Variants in CLEC16A observed in about 807,000 individuals in gnomAD.
CLEC16A encodes C-type lectin domain containing 16A.
CLEC16A carries 51 observed loss-of-function variants against 109.5 expected under a neutral mutation model. The observed-to-expected ratio is 0.47, with a 90% CI of 0.37 to 0.59. The LOEUF is 0.59. CLEC16A is among the 20% of genes least tolerant of loss of function. CLEC16A has a pLI of 0.00. For missense variants in CLEC16A, 1,339 were observed against 1,394.0 expected, an observed-to-expected ratio of 0.96 and a Z score of 0.63; for synonymous variants, 673 against 564.2, an observed-to-expected ratio of 1.19 and a Z score of -2.73.
intron 19 of CLEC16A, among the ~76,000 whole-genome samples, chr16:11,061,723 A>G (rs907459077): frequency 6.6e-6 from 1 of 152,210 alleles, no homozygotes; most frequent in Non-Finnish European, 1.5e-5. Flanking sequence ...GTCTTTGGTT[A>G]TAAGAGACAG....
chr16:11,042,231 G>C, intron 14 of CLEC16A, 23 bp from the exon 15 acceptor site: 11 of 1,553,080 alleles, frequency 7.1e-6, no homozygotes, highest in Non-Finnish European at 9.6e-6. Context: ...GGTGTGCAAG[G>C]CTTACCCTGG....
rs1414033010 is a variant in CLEC16A, at chr16:10,944,648, C to T, written c.-70C>T. 42 of 1,442,834 alleles carry T rather than the reference C, an allele frequency of 2.9e-5. No individual in the cohort carries two copies. In the East Asian group the frequency reaches 7.4e-4, roughly 25 times the overall value. 89.4% of individuals were successfully genotyped at this position (1,442,834 alleles called of 1,614,324 possible). On this transcript the variant is annotated 5_prime_UTR_variant, in exon 1 of 24. Coordinates refer to ENST00000409790, the MANE Select transcript of CLEC16A (RefSeq NM_015226.3). ...CCGCATCCTCCGCTTGTGCTACCGC[C>T]GCGGGCGCTGGGCCGCTCTGCTGGT...
At position 11,080,238 on chromosome 16, in the gene CLEC16A, G is replaced by A. The variant is rs1033541916; in HGVS notation, c.2116+19216G>A. ...ACAGGACAGAGCCCTCCTCCCTTCA[G>A]GCATCTAGCACAGTGATGCACTTCA... On this transcript the variant is annotated intron_variant, in intron 19 of 23. Transcript: ENST00000409790. Among the ~76,000 whole-genome samples, 4 of 152,332 alleles carry A rather than the reference G, an allele frequency of 2.6e-5. 1 individual carries two copies. The highest frequency in any genetic ancestry group is 6.8e-3 in the Middle Eastern group (2 of 294).
At chr16:11,126,202 GTCTT>G in intron 22 of CLEC16A, 56 bp downstream of exon 22, 1 of 1,607,874 alleles carries the variant, frequency 6.2e-7, no homozygotes, top group African/African-American at 1.3e-5. Flanking sequence ...GGCGTTCAAG[GTCTT>G]TCTCTCTGTG....
At chr16:11,168,896 C>T (rs2068386595) in intron 23 of CLEC16A, among the ~76,000 whole-genome samples, 1 of 152,268 alleles carries the variant, frequency 6.6e-6, no homozygotes, top group Non-Finnish European at 1.5e-5. Flanking sequence ...ACTCAGCATT[C>T]AGGCTTCTGA....
At chr16:11,133,724 T>G (rs557820015) in intron 22 of CLEC16A, among the ~76,000 whole-genome samples, 3 of 152,190 alleles carry the variant, frequency 2.0e-5, no homozygotes, top group Non-Finnish European at 4.4e-5. Flanking sequence ...GTCCTCTTAT[T>G]TTTCTTGTTT....
At chr16:11,091,751 T>G (rs2050317900) in intron 19 of CLEC16A, among the ~76,000 whole-genome samples, 1 of 152,188 alleles carries the variant, frequency 6.6e-6, no homozygotes, top group Non-Finnish European at 1.5e-5. Context: ...ACAGCAGGCC[T>G]CTGATAGGTG....
intron 10 of CLEC16A, among the ~76,000 whole-genome samples, chr16:10,983,932 T>G (rs1596879732): frequency 6.8e-6 from 1 of 146,474 alleles, no homozygotes; most frequent in Non-Finnish European, 1.5e-5. Flanking sequence ...GCACAAATGC[T>G]CATCTCACTT....
At chr16:11,044,226 A>T (rs1404385505) in intron 16 of CLEC16A, 154 bp downstream of exon 16, 1 of 559,190 alleles carries the variant, frequency 1.8e-6, no homozygotes, top group Middle Eastern at 3.0e-4. Flanking sequence ...TAGTCCCTAG[A>T]GTAGCAATAT....
chr16:11,090,240 G>A (rs1186370434), intron 19 of CLEC16A, among the ~76,000 whole-genome samples: 1 of 152,136 alleles, frequency 6.6e-6, no homozygotes, highest in Non-Finnish European at 1.5e-5. Context: ...TTAAAAAATA[G>A]AAACAGGGAC....
chr16:11,121,097 T>G (rs2052376368), intron 20 of CLEC16A, among the ~76,000 whole-genome samples: 1 of 152,250 alleles, frequency 6.6e-6, no homozygotes, highest in Admixed American at 6.5e-5. Flanking sequence ...TTAAAAATTA[T>G]ATACATATAC....
chr16:11,110,792 G>T (rs1243572488), intron 19 of CLEC16A, among the ~76,000 whole-genome samples: 2 of 152,200 alleles, frequency 1.3e-5, no homozygotes, highest in Non-Finnish European at 2.9e-5. Context: ...CTGAGACTCA[G>T]AAAAGGGAGG....
chr16:11,146,231 G>A (rs1597557942), intron 22 of CLEC16A, among the ~76,000 whole-genome samples: 1 of 152,124 alleles, frequency 6.6e-6, no homozygotes, highest in Non-Finnish European at 1.5e-5. Flanking sequence ...TTCCTTCAGA[G>A]CACTCAACCT....
rs558219660 is a variant in CLEC16A, at chr16:10,951,126, G to A, written c.80+6329G>A. 1.2e-4 allele frequency among the ~76,000 whole-genome samples: 18 copies of A among 152,320 alleles called. No homozygotes were observed. The South Asian group carries it at 1.9e-3, about 16-fold the overall frequency. On this transcript the variant is annotated intron_variant, in intron 1 of 23. Transcript: ENST00000409790. ...GGCTATTGAGGCCAGATTTGTTTAC[G>A]TCTGTCATCCTTGGTGATGCACCTC...
At chr16:11,030,706 G>A (rs2046690616) in intron 13 of CLEC16A, among the ~76,000 whole-genome samples, 1 of 152,194 alleles carries the variant, frequency 6.6e-6, no homozygotes, top group Non-Finnish European at 1.5e-5. Context: ...ATGCAATGGT[G>A]CAATCTTGGC....
At chr16:11,004,081 G>A (rs2044840138) in intron 11 of CLEC16A, among the ~76,000 whole-genome samples, 1 of 152,048 alleles carries the variant, frequency 6.6e-6, no homozygotes, top group Admixed American at 6.5e-5. Context: ...TTAGAATGAG[G>A]TGCACTCGTG....
At chr16:11,056,870 TTTTC>T (rs1249169200) in intron 18 of CLEC16A, 3 of 152,244 alleles carry the variant, frequency 2.0e-5, no homozygotes, top group East Asian at 1.9e-4. Context: ...CATCCCTTCT[TTTTC>T]TTTCTTTTCG....
chr16:10,988,882 A>C lies in CLEC16A; in HGVS notation c.1071+5891A>C, dbSNP rs535517380. On this transcript the variant is annotated intron_variant, in intron 10 of 23. Coordinates refer to ENST00000409790, the MANE Select transcript of CLEC16A (RefSeq NM_015226.3). Reference sequence around the variant, plus strand: ...TACACAGCAAGTGCATAAATATTAGATGTTATCATTATAATGACCTTAGTT... The same window carrying C: ...TACACAGCAAGTGCATAAATATTAGCTGTTATCATTATAATGACCTTAGTT... 1.7e-4 allele frequency among the ~76,000 whole-genome samples: 26 copies of C among 152,242 alleles called. 2 individuals are homozygous for C. The highest frequency in any genetic ancestry group is 6.3e-4 in the African/African-American group (26 of 41,536).
chr16:11,126,097 C>A lies in CLEC16A; in HGVS notation c.2592C>A (p.Ser864Arg). The A allele has an allele frequency of 6.2e-7, 1 of 1,613,916 alleles. No homozygotes were observed. The highest frequency in any genetic ancestry group is 8.5e-7 in the Non-Finnish European group (1 of 1,179,892). The change falls in exon 22 of 24, where the codon AGC (serine) becomes AGA (arginine). Residue 864 changes from serine (S) to arginine (R), a missense_variant. Physicochemically the swap from Ser to Arg is moderately radical, Grantham distance 110. Coordinates refer to ENST00000409790, the MANE Select transcript of CLEC16A (RefSeq NM_015226.3). ...ACGACCAGGGGCGCCGGGGCAGCAG[C>A]GACCCCACAGTGCAGCGCTCCGTGT... ...RFYDQGRRGS[S>R]DPTVQRSVFA...
Sources: allele counts gnomAD v4.1 joint callset (sites outside exome capture counted in the v4.1 genomes callset), GRCh38; gene constraint gnomAD v4.1.1; transcripts MANE v1.5; gene names NCBI Gene and HGNC (gene_info 2026-07-23, HGNC 2026-07-21).